Variants in ZC3H13 observed in about 807,000 individuals in gnomAD.
ZC3H13 encodes the protein zinc finger CCCH domain-containing protein 13.
ZC3H13 carries 64 observed loss-of-function variants against 204.1 expected under a neutral mutation model. The ratio of observed to expected loss-of-function variants is 0.31; its 90% CI spans 0.26 to 0.39. The LOEUF (loss-of-function observed/expected upper bound fraction) is 0.39, where lower values mean the gene tolerates loss of function less well. Among genes scored for constraint, ZC3H13 ranks in the 10% least tolerant of loss-of-function variants. The pLI is 1.00. For missense variants in ZC3H13, 1,833 were observed against 2,082.7 expected, an observed-to-expected ratio of 0.88 and a Z score of 2.33; for synonymous variants, 667 against 693.7, an observed-to-expected ratio of 0.96 and a Z score of 0.60.
chr13:46,002,393 T>C (rs2040813827), intron 8 of ZC3H13, among the ~76,000 whole-genome samples: 1 of 152,196 alleles, frequency 6.6e-6, no homozygotes, highest in Non-Finnish European at 1.5e-5. Context: ...AATTATCATA[T>C]GACCCAGCAA....
chr13:45,981,335 T>A (rs1286171864), intron 10 of ZC3H13, among the ~76,000 whole-genome samples: 1 of 152,218 alleles, frequency 6.6e-6, no homozygotes, highest in Non-Finnish European at 1.5e-5. Context: ...TATGGCTGCA[T>A]AGTATTCCAT....
chr13:45,995,110 TATAA>T (rs1161932932), intron 8 of ZC3H13, among the ~76,000 whole-genome samples: 17 of 152,268 alleles, frequency 1.1e-4, no homozygotes, highest in African/African-American at 4.1e-4. Flanking sequence ...TTAATGTCAT[TATAA>T]CACAGCCCTA....
rs940071286 is a variant in ZC3H13, at chr13:45,985,521, C to T, written c.1496G>A (p.Arg499Gln). ...GTAGTCATGGGCATCACGAGTGGACCGAGAATCTCTGGGATCACGGCTCTC... is the reference window on the plus strand; with the variant it reads ...GTAGTCATGGGCATCACGAGTGGACTGAGAATCTCTGGGATCACGGCTCTC... ...TKESRDPRDS[R>Q]STRDAHDYRD... Residue 499 changes from arginine (R) to glutamine (Q), a missense_variant, in exon 10 of 19, where the codon CGG becomes CAG. Arg to Gln is a conservative substitution (Grantham distance 43). Around this residue, in one of 5 missense-constraint regions of ZC3H13, gnomAD observed 1,574 missense variants for 1,757.2 expected, o/e 0.90. Coordinates refer to ENST00000679008, the MANE Select transcript of ZC3H13 (RefSeq NM_001330564.2). 6.2e-6 allele frequency: 10 copies of T among 1,613,992 alleles called. No individual in the cohort carries two copies. The highest frequency in any genetic ancestry group is 1.1e-5 in the South Asian group (1 of 91,076).
chr13:45,984,349 C>G (rs562632756), intron 10 of ZC3H13, among the ~76,000 whole-genome samples: 1 of 151,798 alleles, frequency 6.6e-6, no homozygotes, highest in Non-Finnish European at 1.5e-5. Flanking sequence ...TTTATACATT[C>G]AAAATTTTGA....
At chr13:46,012,359 T>C (rs2041623597) in intron 5 of ZC3H13, among the ~76,000 whole-genome samples, 1 of 152,182 alleles carries the variant, frequency 6.6e-6, no homozygotes, top group Non-Finnish European at 1.5e-5. Context: ...GGAATTTCAT[T>C]GACCACGATG....
At chr13:46,043,824 T>C (rs949295194) in intron 3 of ZC3H13, among the ~76,000 whole-genome samples, 1 of 151,996 alleles carries the variant, frequency 6.6e-6, no homozygotes, top group Admixed American at 6.6e-5. Flanking sequence ...AATGATTTCT[T>C]GAATAAAAAT....
At chr13:46,017,586 T>C (rs2041988421) in intron 5 of ZC3H13, among the ~76,000 whole-genome samples, 1 of 152,268 alleles carries the variant, frequency 6.6e-6, no homozygotes, top group East Asian at 1.9e-4. Context: ...TACATAAATA[T>C]TAAAAAATTT....
intron 7 of ZC3H13, 119 bp downstream of exon 7, chr13:46,010,229 C>G: frequency 4.7e-6 from 5 of 1,060,374 alleles, no homozygotes; most frequent in Non-Finnish European, 6.2e-6. Flanking sequence ...CTTTTTAGAA[C>G]AAAAAAGCTT....
intron 2 of ZC3H13, 46 bp downstream of exon 2, chr13:46,045,345 A>G (rs1254988969): frequency 1.4e-6 from 2 of 1,469,920 alleles, no homozygotes; most frequent in Middle Eastern, 1.7e-4. Flanking sequence ...CATTTCAATA[A>G]TAGAATTCTA....
In ZC3H13 at chr13:45,969,123, C is replaced by T. The variant is rs915180469; in HGVS notation, c.3421G>A (p.Ala1141Thr). The stretch of plus-strand genomic sequence containing the variant: ...TTATTGGTGGTATTGGTGGGGGTGG[C>T]AGAGGTGGAAATAGTGATGGCAGAT... Reference protein sequence around the residue: ...STSAITISTSATPTNTTNNTF... With the variant: ...STSAITISTSTTPTNTTNNTF... Residue 1141 changes from alanine (A) to threonine (T), a missense_variant, in exon 14 of 19, where the codon GCC becomes ACC. Transcript: ENST00000679008. The T allele has an allele frequency of 5.0e-6, 8 of 1,613,822 alleles. No individual in the cohort carries two copies. The highest frequency in any genetic ancestry group is 6.8e-6 in the Non-Finnish European group (8 of 1,179,994).
chr13:46,019,287 T>C (rs2042088108), intron 5 of ZC3H13, among the ~76,000 whole-genome samples: 1 of 152,156 alleles, frequency 6.6e-6, no homozygotes, highest in African/African-American at 2.4e-5. Flanking sequence ...ACTTGGCCAC[T>C]GTAGCTCAAA....
At chr13:45,989,127 T>C (rs766199722) in intron 8 of ZC3H13, 30 bp from the exon 9 acceptor site, 13 of 1,588,738 alleles carry the variant, frequency 8.2e-6, no homozygotes, top group Non-Finnish European at 1.1e-5. Context: ...CAATAAAACA[T>C]GTATTCAAGA....
intron 12 of ZC3H13, among the ~76,000 whole-genome samples, chr13:45,970,875 T>G (rs886383802): frequency 1.3e-5 from 2 of 152,202 alleles, no homozygotes; most frequent in Non-Finnish European, 1.5e-5. Flanking sequence ...ATATTGGCTT[T>G]GAAGTAAAAA....
At chr13:45,996,461 T>G (rs557357273) in intron 8 of ZC3H13, among the ~76,000 whole-genome samples, 1 of 152,340 alleles carries the variant, frequency 6.6e-6, no homozygotes, top group East Asian at 1.9e-4. Flanking sequence ...CTTTCCCTGG[T>G]CAACCACAGT....
chr13:45,955,024 C>T lies in ZC3H13; in HGVS notation c.*2103G>A, dbSNP rs1951208796. 6.6e-6 allele frequency: 1 copy of T among 152,130 alleles called. No individual in the cohort carries two copies. Among genetic ancestry groups the T allele is most frequent in the South Asian group, 2.1e-4 (1 of 4,830 alleles). 9.4% of individuals were successfully genotyped at this position (152,130 alleles called of 1,614,324 possible). A position where few individuals can be genotyped will look rare whatever the true frequency, so the allele number is the denominator to read the frequency against. On this transcript the variant is annotated 3_prime_UTR_variant, in exon 19 of 19. Transcript: ENST00000679008. ...TTTGGATTGCAGACATACTCTTGCC[C>T]TTTATCTATCTACACAATTCCTTAT...
chr13:46,010,429 T>A lies in ZC3H13; in HGVS notation c.665A>T (p.Lys222Ile). ...AGCTGAAGACGACTTCGGGCTTGAT[T>A]TTCGCTTCGGAGATTTGCTAGACTT... ...LRKSSKSPKR[K>I]SSPKSSSASK... The change falls in exon 7 of 19, where the codon AAA becomes ATA. Residue 222 changes from lysine (K) to isoleucine (I), a missense_variant. Physicochemically the swap from Lys to Ile is moderately radical, Grantham distance 102. Transcript: ENST00000679008. The A allele has an allele frequency of 2.5e-6, 4 of 1,613,848 alleles. No homozygotes were observed. The highest frequency in any genetic ancestry group is 3.4e-6 in the Non-Finnish European group (4 of 1,179,818).
Position 46,011,551 on chromosome 13 carries a change from G to A in ZC3H13, c.452C>T (p.Ser151Phe), listed in dbSNP as rs1307704234. The change falls in exon 6 of 19, where the codon TCT becomes TTT. Residue 151 changes from serine (S) to phenylalanine (F), a missense_variant. This residue lies in a region of ZC3H13 where 1,574 missense variants were observed against 1,757.2 expected (regional missense o/e 0.90). Coordinates refer to ENST00000679008, the MANE Select transcript of ZC3H13 (RefSeq NM_001330564.2). ...NVEWETNRDD[S>F]DNGDINYDYV... ...ATCATAATTAATATCTCCATTGTCA[G>A]AATCTTTAAAATAAAATTGCATTAC... 6.4e-7 allele frequency: 1 copy of A among 1,555,566 alleles called. No individual in the cohort carries two copies.
chr13:46,009,161 T>C (rs756477102), intron 7 of ZC3H13, among the ~76,000 whole-genome samples: 14 of 151,932 alleles, frequency 9.2e-5, no homozygotes, highest in Admixed American at 6.6e-4. Flanking sequence ...AACTTAAAAT[T>C]TGAGCTAGAG....
At chr13:46,019,284 C>T (rs111516349) in intron 5 of ZC3H13, among the ~76,000 whole-genome samples, 5 of 152,210 alleles carry the variant, frequency 3.3e-5, no homozygotes, top group Admixed American at 2.6e-4. Flanking sequence ...TCGACTTGGC[C>T]ACTGTAGCTC....
Sources: gnomAD v4.1 joint callset for allele counts (sites outside exome capture counted in the v4.1 genomes callset) on GRCh38, gnomAD v4.1.1 for gene constraint, gnomAD v4.1.1 regional missense constraint, MANE v1.5 for transcripts, NCBI Gene and HGNC (gene_info 2026-07-23, HGNC 2026-07-21) for gene names.